ITSN1: variants seen among roughly 807,000 people sequenced by gnomAD.
ITSN1 encodes intersectin 1, also known as intersectin-1.
ITSN1 carries 58 observed loss-of-function variants against 239.8 expected under a neutral mutation model. The ratio of observed to expected loss-of-function variants is 0.24; its 90% CI spans 0.20 to 0.30. ITSN1 has a LOEUF of 0.30. Among genes scored for constraint, ITSN1 ranks in the 10% least tolerant of loss-of-function variants. ITSN1 has a pLI of 1.00. For missense variants in ITSN1, 1,558 were observed against 2,103.3 expected (o/e 0.74, Z 5.07); for synonymous variants, 780 against 770.8 (o/e 1.01, Z -0.20).
At chr21:33,649,506 A>C (rs1278489320) in intron 1 of ITSN1, among the ~76,000 whole-genome samples, 2 of 152,190 alleles carry the variant, frequency 1.3e-5, no homozygotes, top group Admixed American at 1.3e-4. Context: ...CCCAGAGAGA[A>C]CATTGGTGAA....
chr21:33,720,975 C>G (rs567682377), intron 2 of ITSN1, among the ~76,000 whole-genome samples: 1 of 152,196 alleles, frequency 6.6e-6, no homozygotes, highest in Non-Finnish European at 1.5e-5. Flanking sequence ...CCCATTCTCT[C>G]TCTTTCTGTT....
intron 34 of ITSN1, among the ~76,000 whole-genome samples, chr21:33,880,538 C>T (rs138797917): frequency 6.6e-6 from 1 of 152,192 alleles, no homozygotes; most frequent in Non-Finnish European, 1.5e-5. Flanking sequence ...CAGAGGTCAT[C>T]TTTCCTCCTC....
At position 33,768,714 on chromosome 21, in the gene ITSN1, T is replaced by C. The variant is rs183880764; in HGVS notation, c.1042+886T>C. ...GCAAATGAAATTATGGAGTCTTTTA[T>C]GATAAATACTTTGTCAGTGTCATTT... On this transcript the variant is annotated intron_variant, in intron 11 of 39. Transcript: ENST00000381318. Among the ~76,000 whole-genome samples the C allele has an allele frequency of 1.8e-3, 274 of 152,356 alleles. 1 individual carries two copies. Among genetic ancestry groups the C allele is most frequent in the African/African-American group, 6.4e-3 (268 of 41,582 alleles).
chr21:33,810,721 C>A (rs1204320934), intron 20 of ITSN1, among the ~76,000 whole-genome samples: 1 of 152,162 alleles, frequency 6.6e-6, no homozygotes, highest in African/African-American at 2.4e-5. Flanking sequence ...TTTGTCTCAA[C>A]TGCCATTATT....
intron 24 of ITSN1, among the ~76,000 whole-genome samples, chr21:33,820,604 G>A (rs2073607617): frequency 6.6e-6 from 1 of 152,152 alleles, no homozygotes; most frequent in African/African-American, 2.4e-5. Context: ...CAGTAACAAT[G>A]TTCTTTTTTC....
chr21:33,783,127 G>A (rs190545096), intron 16 of ITSN1, among the ~76,000 whole-genome samples: 24 of 152,030 alleles, frequency 1.6e-4, no homozygotes, highest in Admixed American at 1.3e-3. Flanking sequence ...TAGCATTTTT[G>A]TTATTCTTAT....
rs2066799944 is a variant in ITSN1 at position 33,740,806 on chromosome 21, T to C, written c.346+5602T>C. Among the ~76,000 whole-genome samples, 3 of 152,200 alleles carry C rather than the reference T, an allele frequency of 2.0e-5. No individual in the cohort carries two copies. The South Asian group carries it at 6.2e-4, about 32-fold the overall frequency. On this transcript the variant is annotated intron_variant, in intron 5 of 39. Coordinates refer to ENST00000381318, the MANE Select transcript of ITSN1 (RefSeq NM_003024.3). ...TAGGCCAGGCACGGTGGCTCATGCC[T>C]GTAATCGCAGCACTTTGGGAGGCCA...
chr21:33,766,438 T>C (rs1231662508), intron 10 of ITSN1, among the ~76,000 whole-genome samples: 6 of 152,206 alleles, frequency 3.9e-5, no homozygotes, highest in Non-Finnish European at 7.3e-5. Context: ...AAAATTACCC[T>C]GGACTGAAAG....
intron 1 of ITSN1, among the ~76,000 whole-genome samples, chr21:33,687,163 C>T (rs533988226): frequency 1.4e-3 from 206 of 151,638 alleles, no homozygotes; most frequent in African/African-American, 4.8e-3. Flanking sequence ...GAAACCCTGT[C>T]TTTACTAAAA....
At chr21:33,798,238 T>C (rs1027745311) in intron 18 of ITSN1, among the ~76,000 whole-genome samples, 1 of 151,850 alleles carries the variant, frequency 6.6e-6, no homozygotes, top group Admixed American at 6.6e-5. Flanking sequence ...GCTGAGACTA[T>C]AGGCATGCAC....
In ITSN1 at chr21:33,718,968, C is replaced by G. The variant is rs886476369; in HGVS notation, c.28+112C>G. 11 of 804,796 alleles carry G rather than the reference C, an allele frequency of 1.4e-5. No individual in the cohort carries two copies. The Admixed American group carries it at 2.6e-4, about 19-fold the overall frequency. 49.9% of individuals were successfully genotyped at this position (804,796 alleles called of 1,614,324 possible). A position where few individuals can be genotyped will look rare whatever the true frequency, so the allele number is the denominator to read the frequency against. Reference sequence around the variant, plus strand: ...TAGAGAAAATAATATAATCAGCATTCATGTATTCCATCATATAGTTTCATT... The same window carrying G: ...TAGAGAAAATAATATAATCAGCATTGATGTATTCCATCATATAGTTTCATT... On this transcript the variant is annotated intron_variant, in intron 2 of 39. Coordinates refer to ENST00000381318, the MANE Select transcript of ITSN1 (RefSeq NM_003024.3).
At chr21:33,771,322 T>C (rs150280088) in intron 11 of ITSN1, among the ~76,000 whole-genome samples, 18 of 152,308 alleles carry the variant, frequency 1.2e-4, no homozygotes, top group African/African-American at 3.8e-4. Context: ...ACTGGCATGC[T>C]GCACAGGGTG....
chr21:33,881,945 C>CAAAAAAA (rs370697945), intron 34 of ITSN1, among the ~76,000 whole-genome samples: 4 of 88,408 alleles, frequency 4.5e-5, no homozygotes, highest in African/African-American at 4.6e-5. Flanking sequence ...GACCCTGTCT[C>CAAAAAAA]AAAAAAAAAA....
rs376737307 is a variant in ITSN1, at chr21:33,888,305, C to T, written c.*5C>T. Reference sequence around the variant, plus strand: ...CAGTTGTTTGATGAGCCGTAGGCAGCGGGCTCAGGGTGTGCTCAGCAGGGT... The same window carrying T: ...CAGTTGTTTGATGAGCCGTAGGCAGTGGGCTCAGGGTGTGCTCAGCAGGGT... On this transcript the variant is annotated 3_prime_UTR_variant, in exon 40 of 40. Transcript: ENST00000381318. The T allele has an allele frequency of 3.9e-5, 62 of 1,609,436 alleles. No individual in the cohort carries two copies. Among genetic ancestry groups the T allele is most frequent in the African/African-American group, 3.5e-4 (26 of 74,814 alleles).
At chr21:33,654,253 G>T (rs1456122768) in intron 1 of ITSN1, among the ~76,000 whole-genome samples, 2 of 143,076 alleles carry the variant, frequency 1.4e-5, no homozygotes, top group African/African-American at 5.2e-5. Flanking sequence ...AGACGATCTC[G>T]CTGTGTTGCC....
chr21:33,673,323 A>G (rs917311790), intron 1 of ITSN1, among the ~76,000 whole-genome samples: 13 of 152,226 alleles, frequency 8.5e-5, no homozygotes, highest in African/African-American at 2.9e-4. Flanking sequence ...TCTAATATTT[A>G]GCATGATGAC....
chr21:33,759,464 C>G (rs2068143155), intron 8 of ITSN1, among the ~76,000 whole-genome samples: 1 of 152,164 alleles, frequency 6.6e-6, no homozygotes, highest in Non-Finnish European at 1.5e-5. Flanking sequence ...AAAATATTAA[C>G]TTCCTTTTTT....
intron 29 of ITSN1, among the ~76,000 whole-genome samples, chr21:33,844,386 G>A (rs1052187121): frequency 5.3e-5 from 8 of 152,266 alleles, no homozygotes; most frequent in East Asian, 1.9e-4. Flanking sequence ...CCCATGCAGC[G>A]CTCCACAATA....
rs34401325 is a variant in ITSN1 at position 33,687,235 on chromosome 21, G to GAA, written c.-32-31550_-32-31549dup. Among the ~76,000 whole-genome samples the GAA allele has an allele frequency of 1.0e-4, 14 of 139,538 alleles. No individual in the cohort carries two copies. The East Asian group carries it at 1.0e-3, about 10-fold the overall frequency. The allele number at this position is 139,538 out of a possible 152,430, so 91.5% of individuals were successfully genotyped here. ...GACAGAGCGAGACTCTGTCTCAAAA[G>GAA]AAAAAAAAAAAAATTATTTGGGCTT... is the stretch of plus-strand genomic sequence containing the variant. On this transcript the variant is annotated intron_variant, in intron 1 of 39. Transcript: ENST00000381318.
Sources: allele counts gnomAD v4.1 joint callset (sites outside exome capture counted in the v4.1 genomes callset), GRCh38; gene constraint gnomAD v4.1.1; transcripts MANE v1.5; gene names NCBI Gene and HGNC (gene_info 2026-07-23, HGNC 2026-07-21).